Variants in SLC13A4 observed in about 807,000 individuals in gnomAD.
SLC13A4 encodes Na(+)/sulfate cotransporter SUT-1.
In SLC13A4, 28 loss-of-function variants were observed where a neutral mutation model predicts 72.7. The observed-to-expected ratio is 0.39, with a 90% CI of 0.29 to 0.53. The LOEUF (loss-of-function observed/expected upper bound fraction) is 0.53, where lower values mean the gene tolerates loss of function less well. Among genes scored for constraint, SLC13A4 ranks in the 20% least tolerant of loss-of-function variants. SLC13A4 has a pLI of 0.78. For missense variants in SLC13A4, 653 were observed against 788.0 expected, an observed-to-expected ratio of 0.83 and a Z score of 2.05; for synonymous variants, 312 against 325.5, an observed-to-expected ratio of 0.96 and a Z score of 0.45.
intron 1 of SLC13A4, among the ~76,000 whole-genome samples, chr7:135,722,840 G>T (rs1174562083): frequency 1.3e-5 from 2 of 152,066 alleles, no homozygotes; most frequent in Non-Finnish European, 2.9e-5. Context: ...TCCCTTCCCT[G>T]GGAGAGGGAA....
At chr7:135,695,564 C>T in intron 8 of SLC13A4, 77 bp from the exon 9 acceptor site, 3 of 1,483,636 alleles carry the variant, frequency 2.0e-6, no homozygotes, top group Non-Finnish European at 2.8e-6. Flanking sequence ...ATGCCAAATG[C>T]TCCCTAAAAC....
chr7:135,719,786 T>TGC (rs1363955878), intron 2 of SLC13A4, among the ~76,000 whole-genome samples: 1 of 138,174 alleles, frequency 7.2e-6, no homozygotes, highest in African/African-American at 3.2e-5. Context: ...GCCACATGTG[T>TGC]GTGTGTGTGT....
intron 2 of SLC13A4, 103 bp downstream of exon 2, chr7:135,721,292 C>T: frequency 7.3e-7 from 1 of 1,377,238 alleles, no homozygotes; most frequent in Non-Finnish European, 1.0e-6. Context: ...GGTGACAAGG[C>T]CCCCTCATCG....
Position 135,692,380 on chromosome 7 carries a change from A to G in SLC13A4, c.1166T>C (p.Val389Ala), listed in dbSNP as rs763309446. The change falls in exon 11 of 16, where the codon GTA (valine) becomes GCA (alanine). Residue 389 changes from valine (V) to alanine (A), a missense_variant. Transcript: ENST00000682651. ...VTGFFFILMT[V>A]LWFTREPGFV... is the part of the protein sequence containing the mutation. ...GCCAGGCTCCCGGGTAAACCACAGT[A>G]CGGTCATCAGGATGAAGAAAAATCC... is the stretch of plus-strand genomic sequence containing the variant. 1 of 1,614,004 alleles carries G rather than the reference A, an allele frequency of 6.2e-7. No homozygotes were observed. Among genetic ancestry groups the G allele is most frequent in the South Asian group, 1.1e-5 (1 of 91,012 alleles).
chr7:135,698,334 CTTTTT>C (rs10563133), intron 8 of SLC13A4, among the ~76,000 whole-genome samples: 4 of 104,414 alleles, frequency 3.8e-5, no homozygotes, highest in African/African-American at 7.8e-5. Flanking sequence ...TGCTGGGACT[CTTTTT>C]TTTTTTTTTT....
chr7:135,702,981 A>C, intron 5 of SLC13A4, 97 bp from the exon 6 acceptor site: 2 of 853,292 alleles, frequency 2.3e-6, no homozygotes, highest in Non-Finnish European at 2.0e-6. Context: ...AGGGACTTAA[A>C]CTCTCTGGAT....
At chr7:135,719,803 A>ATGTGTG (rs113694819) in intron 2 of SLC13A4, among the ~76,000 whole-genome samples, 6 of 104,960 alleles carry the variant, frequency 5.7e-5, no homozygotes, top group Admixed American at 2.2e-4. Flanking sequence ...GTGTGTGTGT[A>ATGTGTG]TGTGTGTGTG....
At position 135,727,428 on chromosome 7, in the gene SLC13A4, C is replaced by T. The variant is rs1265628374; in HGVS notation, c.69G>A (p.Leu23=). The change falls in exon 1 of 16, where the codon CTG becomes CTA. Residue 23 remains leucine, a synonymous_variant. Transcript: ENST00000682651. ...LLLVVCVPLL[L]LPLPVLHPSS... is the part of the protein sequence containing the mutation. ...TGGGGTGGAGGACGGGCAGAGGCAG[C>T]AGCAGGAGCGGGACGCAGACGACCA... 6.5e-7 allele frequency: 1 copy of T among 1,549,858 alleles called. No homozygotes were observed. The highest frequency in any genetic ancestry group is 8.7e-7 in the Non-Finnish European group (1 of 1,146,894).
At chr7:135,713,671 A>G (rs1462386809) in intron 2 of SLC13A4, among the ~76,000 whole-genome samples, 1 of 152,104 alleles carries the variant, frequency 6.6e-6, no homozygotes, top group Non-Finnish European at 1.5e-5. Flanking sequence ...TTGGCCTTAC[A>G]GGTTTAAATG....
intron 4 of SLC13A4, 193 bp downstream of exon 4, chr7:135,705,935 T>C (rs1193857845): frequency 1.1e-5 from 6 of 567,604 alleles, no homozygotes; most frequent in South Asian, 2.8e-5. Flanking sequence ...GAACAGGGAG[T>C]TCAGGGAAGC....
rs370307347 is a variant in SLC13A4 at position 135,721,515 on chromosome 7, C to T, written c.108G>A (p.Ser36=). ...CAGTCACGATCAGCACGTAAGCACACGAGGCCTCCTGCAAGGCAAGGAAAG... is the reference window on the plus strand; with the variant it reads ...CAGTCACGATCAGCACGTAAGCACATGAGGCCTCCTGCAAGGCAAGGAAAG... ...LPVLHPSSEA[S]CAYVLIVTAV... Residue 36 remains serine (S), a synonymous_variant, in exon 2 of 16, where the codon TCG becomes TCA. Coordinates refer to ENST00000682651, the MANE Select transcript of SLC13A4 (RefSeq NM_001318192.2). 3.7e-6 allele frequency: 6 copies of T among 1,613,822 alleles called. No homozygotes were observed. The highest frequency in any genetic ancestry group is 1.3e-5 in the African/African-American group (1 of 74,912).
chr7:135,723,556 G>C (rs4732138), intron 1 of SLC13A4, among the ~76,000 whole-genome samples: 68,124 of 151,948 alleles, frequency 0.45, 15,439 homozygotes, highest in Middle Eastern at 0.48. Context: ...TTACATAGTT[G>C]TAAACCATCA....
At chr7:135,727,351 C>G (rs1430301462) in intron 1 of SLC13A4, 47 bp downstream of exon 1, 2 of 1,538,686 alleles carry the variant, frequency 1.3e-6, no homozygotes, top group Non-Finnish European at 1.8e-6. Flanking sequence ...CCCTCTTTGC[C>G]CTCCCACTGA....
chr7:135,691,453 G>GCCCCCCCCC, intron 12 of SLC13A4, 95 bp downstream of exon 12: 1 of 540,538 alleles, frequency 1.9e-6, no homozygotes, highest in Non-Finnish European at 3.7e-6. Flanking sequence ...AGGGGGGTGG[G>GCCCCCCCCC]AATCTGAAGG....
intron 5 of SLC13A4, chr7:135,705,264 A>C: frequency 4.0e-6 from 1 of 251,942 alleles, no homozygotes; most frequent in African/African-American, 2.2e-5. Flanking sequence ...TAAACATACT[A>C]TTTTCCTAAA....
At chr7:135,724,496 C>G in intron 1 of SLC13A4, among the ~76,000 whole-genome samples, 1 of 80,588 alleles carries the variant, frequency 1.2e-5, no homozygotes, top group Admixed American at 1.6e-4. Flanking sequence ...GAGACTCTGT[C>G]TCAGAAAAAA....
At chr7:135,715,656 T>C (rs1563169436) in intron 2 of SLC13A4, among the ~76,000 whole-genome samples, 1 of 152,190 alleles carries the variant, frequency 6.6e-6, no homozygotes, top group South Asian at 2.1e-4. Flanking sequence ...AACCCATGCT[T>C]TCTACTTCAC....
intron 15 of SLC13A4, chr7:135,683,596 T>G (rs1316775624): frequency 1.0e-6 from 1 of 985,306 alleles, no homozygotes; most frequent in African/African-American, 1.7e-5. Flanking sequence ...CCATCTTTTG[T>G]GAGCCCAGCT....
intron 7 of SLC13A4, among the ~76,000 whole-genome samples, chr7:135,700,054 C>G (rs1315197694): frequency 1.3e-5 from 2 of 152,220 alleles, no homozygotes; most frequent in Middle Eastern, 6.8e-3. Flanking sequence ...CATTCAAGTC[C>G]ATCAAACCCT....
Sources: gnomAD v4.1 joint callset for allele counts (sites outside exome capture counted in the v4.1 genomes callset) on GRCh38, gnomAD v4.1.1 for gene constraint, MANE v1.5 for transcripts, NCBI Gene and HGNC (gene_info 2026-07-23, HGNC 2026-07-21) for gene names.